RPGRIP1L: variants seen among roughly 807,000 people sequenced by gnomAD.
RPGRIP1L encodes the protein protein fantom.
RPGRIP1L carries 131 observed loss-of-function variants against 160.4 expected under a neutral mutation model. The ratio of observed to expected loss-of-function variants is 0.82; its 90% CI spans 0.71 to 0.94. The LOEUF is 0.94. Ranked by LOEUF, RPGRIP1L falls within the 40% of genes least tolerant of loss-of-function variation. The pLI, the probability that RPGRIP1L is intolerant of heterozygous loss-of-function variation, is 0.00. For missense variants in RPGRIP1L, 1,522 were observed against 1,535.8 expected (o/e 0.99, Z 0.15); for synonymous variants, 510 against 515.8 (o/e 0.99, Z 0.15).
chr16:53,607,786 G>C (rs550305773), intron 25 of RPGRIP1L, among the ~76,000 whole-genome samples: 33 of 152,292 alleles, frequency 2.2e-4, no homozygotes, highest in Non-Finnish European at 1.5e-4. Context: ...AGAGAAAAAT[G>C]AGATGTCAAA....
At position 53,658,414 on chromosome 16, in the gene RPGRIP1L, C is replaced by G; in HGVS notation, c.1401G>C (p.Lys467Asn). The G allele has an allele frequency of 6.2e-7, 1 of 1,608,782 alleles. No homozygotes were observed. Among genetic ancestry groups the G allele is most frequent in the Non-Finnish European group, 8.5e-7 (1 of 1,175,392 alleles). The change falls in exon 12 of 27, where the codon AAG (lysine) becomes AAC (asparagine). Residue 467 changes from lysine to asparagine, a missense_variant and splice_region_variant. Transcript: ENST00000647211. Reference protein sequence around the residue: ...DELSEALLLIKAQKEQKNGDL... With the variant: ...DELSEALLLINAQKEQKNGDL... Reference sequence around the variant, plus strand: ...ATCACGATGAAGTTCAGAACCTTACCTTTATAAGTAGGAGAGCTTCACTCA... The same window carrying G: ...ATCACGATGAAGTTCAGAACCTTACGTTTATAAGTAGGAGAGCTTCACTCA...
At chr16:53,612,152 C>T (rs988835187) in intron 24 of RPGRIP1L, among the ~76,000 whole-genome samples, 1 of 151,982 alleles carries the variant, frequency 6.6e-6, no homozygotes, top group African/African-American at 2.4e-5. Context: ...ATAAAGGTGG[C>T]GGGAGAGACA....
At chr16:53,679,967 A>G (rs1423722116) in intron 6 of RPGRIP1L, among the ~76,000 whole-genome samples, 1 of 152,150 alleles carries the variant, frequency 6.6e-6, no homozygotes, top group Non-Finnish European at 1.5e-5. Flanking sequence ...ATCTCGCTCT[A>G]AGAGTTAAAT....
chr16:53,641,158 C>A, intron 18 of RPGRIP1L, 42 bp from the exon 19 acceptor site: 1 of 1,561,418 alleles, frequency 6.4e-7, no homozygotes, highest in South Asian at 1.1e-5. Context: ...GTATGATGAC[C>A]ATTAGATTTC....
Position 53,615,468 on chromosome 16 carries a change from A to ATTTTTT in RPGRIP1L, c.3616+3556_3616+3557insAAAAAA, listed in dbSNP as rs1441369433. 2.7e-3 allele frequency among the ~76,000 whole-genome samples: 187 copies of ATTTTTT among 69,744 alleles called. 2 individuals are homozygous for ATTTTTT. The highest frequency in any genetic ancestry group is 6.5e-3 in the African/African-American group (103 of 15,854). 45.8% of individuals were successfully genotyped at this position (69,744 alleles called of 152,430 possible). A position where few individuals can be genotyped will look rare whatever the true frequency, so the allele number is the denominator to read the frequency against. ...TTTCTAAGAATATATATATATATAT[A>ATTTTTT]TATATTTTTTTTTTTTTTTTTTTGA... On this transcript the variant is annotated intron_variant, in intron 24 of 26. Transcript: ENST00000647211.
At position 53,625,096 on chromosome 16, in the gene RPGRIP1L, C is replaced by T. The variant is rs552782083; in HGVS notation, c.3295-2740G>A. 1.2e-3 allele frequency among the ~76,000 whole-genome samples: 181 copies of T among 152,240 alleles called. 3 individuals are homozygous for T. Among genetic ancestry groups the T allele is most frequent in the African/African-American group, 4.0e-3 (166 of 41,546 alleles). On this transcript the variant is annotated intron_variant, in intron 22 of 26. Transcript: ENST00000647211. ...TGTTGCCCAGGCTGGAGTGCAGTGG[C>T]GTGATCTTGGCTCGCTACAACCTCC...
intron 6 of RPGRIP1L, among the ~76,000 whole-genome samples, chr16:53,683,691 C>CAAAAAAAAAAAA (rs549418277): frequency 1.3e-5 from 1 of 77,380 alleles, no homozygotes. Context: ...ACACTTAGTT[C>CAAAAAAAAAAAA]AAAAAAAAAA....
At chr16:53,614,377 T>C (rs1964228583) in intron 24 of RPGRIP1L, among the ~76,000 whole-genome samples, 1 of 152,146 alleles carries the variant, frequency 6.6e-6, no homozygotes, top group Admixed American at 6.5e-5. Flanking sequence ...AAATGCAGAT[T>C]ATTGAGTTGT....
Position 53,696,283 on chromosome 16 carries a change from G to C in RPGRIP1L, c.98C>G (p.Thr33Arg). ...GMGGLQETST[T>R]RTMKSRQAVS... is the part of the protein sequence containing the mutation. The stretch of plus-strand genomic sequence containing the variant: ...TGCCTGGCGAGACTTCATTGTCCGT[G>C]TTGTTGAAGTTTCTGCAAAAATGCC... The change falls in exon 3 of 27, where the codon ACA (threonine) becomes AGA (arginine). Residue 33 changes from threonine to arginine, a missense_variant. Transcript: ENST00000647211. The C allele has an allele frequency of 6.2e-7, 1 of 1,613,994 alleles. No individual in the cohort carries two copies. Among genetic ancestry groups the C allele is most frequent in the Non-Finnish European group, 8.5e-7 (1 of 1,179,944 alleles).
chr16:53,634,150 T>C (rs1243791763), intron 22 of RPGRIP1L, among the ~76,000 whole-genome samples: 1 of 151,110 alleles, frequency 6.6e-6, no homozygotes, highest in East Asian at 2.2e-4. Flanking sequence ...AGGAATGCTG[T>C]GTTCTTACAT....
At chr16:53,700,397 T>C (rs1486248342) in intron 2 of RPGRIP1L, among the ~76,000 whole-genome samples, 2 of 152,234 alleles carry the variant, frequency 1.3e-5, no homozygotes, top group Non-Finnish European at 2.9e-5. Flanking sequence ...TTTAAAAAGA[T>C]GATTTATGTT....
intron 26 of RPGRIP1L, among the ~76,000 whole-genome samples, chr16:53,603,335 GT>G (rs1207392215): frequency 1.3e-5 from 2 of 152,046 alleles, no homozygotes; most frequent in African/African-American, 2.4e-5. Flanking sequence ...TATAGTTTCT[GT>G]TTTTTTCTTT....
At chr16:53,651,180 C>A (rs567183251) in intron 15 of RPGRIP1L, among the ~76,000 whole-genome samples, 1 of 152,294 alleles carries the variant, frequency 6.6e-6, no homozygotes, top group South Asian at 2.1e-4. Context: ...CATCACTATT[C>A]TTCTAGCTGC....
intron 19 of RPGRIP1L, 73 bp from the exon 20 acceptor site, chr16:53,638,484 T>A: frequency 1.2e-6 from 1 of 836,750 alleles, no homozygotes. Flanking sequence ...TTCTATCATA[T>A]ACATATTGAA....
At position 53,598,190 on chromosome 16, in the gene RPGRIP1L, C is replaced by T. The variant is rs1364097928; in HGVS notation, c.*3886G>A. The T allele has an allele frequency of 1.3e-5, 2 of 152,032 alleles. No individual in the cohort carries two copies. The highest frequency in any genetic ancestry group is 3.9e-4 in the East Asian group (2 of 5,170). 9.4% of individuals were successfully genotyped at this position (152,032 alleles called of 1,614,324 possible). A position where few individuals can be genotyped will look rare whatever the true frequency, so the allele number is the denominator to read the frequency against. ...TGTTAAATTTTATTTAAAAAGAAAA[C>T]AAATGGTGCACAGTGAAGACAGAGG... is the stretch of plus-strand genomic sequence containing the variant. On this transcript the variant is annotated 3_prime_UTR_variant, in exon 27 of 27. Transcript: ENST00000647211.
At chr16:53,699,534 A>G (rs1225032307) in intron 2 of RPGRIP1L, among the ~76,000 whole-genome samples, 1 of 152,256 alleles carries the variant, frequency 6.6e-6, no homozygotes, top group Non-Finnish European at 1.5e-5. Context: ...TTGAACTTAT[A>G]GAGTATCAAA....
At chr16:53,639,360 T>C (rs2151046695) in intron 19 of RPGRIP1L, among the ~76,000 whole-genome samples, 1 of 152,174 alleles carries the variant, frequency 6.6e-6, no homozygotes, top group South Asian at 2.1e-4. Context: ...ATAACTGCAT[T>C]ATAAATACAA....
At chr16:53,654,369 TG>T in intron 14 of RPGRIP1L, among the ~76,000 whole-genome samples, 1 of 152,218 alleles carries the variant, frequency 6.6e-6, no homozygotes, top group Non-Finnish European at 1.5e-5. Flanking sequence ...GTTTCTCAAA[TG>T]TACTGCAATA....
At chr16:53,628,866 A>C (rs749986308) in intron 22 of RPGRIP1L, 4 of 152,130 alleles carry the variant, frequency 2.6e-5, no homozygotes, top group African/African-American at 4.8e-5. Flanking sequence ...ATGCCCTATA[A>C]ATTACTATGT....
Sources: gnomAD v4.1 joint callset for allele counts (sites outside exome capture counted in the v4.1 genomes callset) on GRCh38, gnomAD v4.1.1 for gene constraint, MANE v1.5 for transcripts, NCBI Gene and HGNC (gene_info 2026-07-23, HGNC 2026-07-21) for gene names.